The following ELAVL4 variants were observed in gnomAD, a reference collection of about 807,000 sequenced individuals.
ELAVL4 encodes the protein ELAV like RNA binding protein 4.
In ELAVL4, 1 loss-of-function variant was observed where a neutral mutation model predicts 35.6. The observed-to-expected ratio is 0.03, with a 90% CI of 0.01 to 0.13. The LOEUF (loss-of-function observed/expected upper bound fraction) is 0.13, where lower values mean the gene tolerates loss of function less well. ELAVL4 is among the 10% of genes least tolerant of loss of function. ELAVL4 has a pLI of 1.00. For synonymous variants in ELAVL4, 156 were observed against 171.0 expected, an observed-to-expected ratio of 0.91 and a Z score of 0.69; for missense variants, 267 against 464.9, an observed-to-expected ratio of 0.57 and a Z score of 3.91.
At chr1:50,106,192 G>A (rs1666290458), upstream of ELAVL4, 3 of 839,942 alleles carry the variant, frequency 3.6e-6, no homozygotes, top group Non-Finnish European at 5.7e-6. Context: ...TCTCCACTGC[G>A]CGGAGTAGGT....
At chr1:50,160,779 T>G (rs942875546) in intron 2 of ELAVL4, among the ~76,000 whole-genome samples, 1 of 152,220 alleles carries the variant, frequency 6.6e-6, no homozygotes, top group African/African-American at 2.4e-5. Context: ...TTTAATGGAT[T>G]TATATTCTGT....
intron 1 of ELAVL4, among the ~76,000 whole-genome samples, chr1:50,131,042 A>G (rs1670766770): frequency 6.6e-6 from 1 of 152,186 alleles, no homozygotes; most frequent in Non-Finnish European, 1.5e-5. Context: ...GAGTTTACCA[A>G]ACAAATTTTC....
intron 2 of ELAVL4, among the ~76,000 whole-genome samples, chr1:50,157,037 T>C (rs1675881181): frequency 6.6e-6 from 1 of 152,240 alleles, no homozygotes; most frequent in Non-Finnish European, 1.5e-5. Flanking sequence ...ATGCATTTAA[T>C]ACTCTGATAA....
chr1:50,153,437 G>A (rs1675147441), intron 2 of ELAVL4, among the ~76,000 whole-genome samples: 2 of 152,176 alleles, frequency 1.3e-5, no homozygotes. Flanking sequence ...TTAGTCAGCT[G>A]GTGAGTGGGG....
chr1:50,168,755 A>G (rs1678429954), intron 2 of ELAVL4, among the ~76,000 whole-genome samples: 1 of 152,028 alleles, frequency 6.6e-6, no homozygotes, highest in African/African-American at 2.4e-5. Context: ...AAGACTGTCA[A>G]TGTTCTCTGT....
chr1:50,181,072 G>A (rs1219306370), intron 3 of ELAVL4: 1 of 152,176 alleles, frequency 6.6e-6, no homozygotes, highest in Non-Finnish European at 1.5e-5. Context: ...GCCCAAGGAG[G>A]CTTAGAGACA....
chr1:50,084,837 G>C (rs1418526475), intron 1 of ELAVL4, among the ~76,000 whole-genome samples: 1 of 151,958 alleles, frequency 6.6e-6, no homozygotes, highest in Non-Finnish European at 1.5e-5. Flanking sequence ...GCACTTGGTG[G>C]ATTTCCTTCA....
chr1:50,132,063 A>T (rs7542300), intron 1 of ELAVL4, among the ~76,000 whole-genome samples: 1 of 152,160 alleles, frequency 6.6e-6, no homozygotes, highest in Admixed American at 6.6e-5. Flanking sequence ...GAGCAGACGT[A>T]AGTATTCCGA....
At chr1:50,057,606 C>CA (rs1663747008) in intron 1 of ELAVL4, among the ~76,000 whole-genome samples, 1 of 152,160 alleles carries the variant, frequency 6.6e-6, no homozygotes, top group Admixed American at 6.6e-5. Context: ...TACACAAATA[C>CA]AAGCATTGTG....
intron 2 of ELAVL4, among the ~76,000 whole-genome samples, chr1:50,151,290 G>A (rs1236607185): frequency 6.6e-6 from 1 of 152,162 alleles, no homozygotes; most frequent in Non-Finnish European, 1.5e-5. Context: ...TGAATACCGG[G>A]AAAACATAAT....
upstream of ELAVL4, among the ~76,000 whole-genome samples, chr1:50,100,107 T>C (rs1665902546): frequency 6.6e-6 from 1 of 152,202 alleles, no homozygotes; most frequent in Admixed American, 6.5e-5. Flanking sequence ...TAAATTGGCC[T>C]CTTACTAGTT....
intron 1 of ELAVL4, among the ~76,000 whole-genome samples, chr1:50,110,601 A>G (rs1666902503): frequency 6.6e-6 from 1 of 152,206 alleles, no homozygotes; most frequent in African/African-American, 2.4e-5. Context: ...ATTAGATGCC[A>G]CGAGTGCCCA....
intron 1 of ELAVL4, among the ~76,000 whole-genome samples, chr1:50,127,480 A>G (rs1670141090): frequency 6.6e-6 from 1 of 152,088 alleles, no homozygotes; most frequent in Non-Finnish European, 1.5e-5. Context: ...CAGTGGACAT[A>G]TATGCAAAGA....
At chr1:50,061,446 A>G (rs891323971) in intron 1 of ELAVL4, among the ~76,000 whole-genome samples, 4 of 152,186 alleles carry the variant, frequency 2.6e-5, no homozygotes, top group Non-Finnish European at 5.9e-5. Context: ...TTTTAAAATT[A>G]CATGTAGTTG....
chr1:50,098,480 G>T (rs1665811396), intron 1 of ELAVL4, among the ~76,000 whole-genome samples: 1 of 152,134 alleles, frequency 6.6e-6, no homozygotes, highest in Non-Finnish European at 1.5e-5. Context: ...ATAAAGGAAG[G>T]TTAACATGAA....
At chr1:50,147,569 A>G (rs955781885) in intron 2 of ELAVL4, among the ~76,000 whole-genome samples, 1 of 152,196 alleles carries the variant, frequency 6.6e-6, no homozygotes, top group Non-Finnish European at 1.5e-5. Flanking sequence ...TTAGGTCACA[A>G]TGCAGGCTGG....
intron 6 of ELAVL4, among the ~76,000 whole-genome samples, chr1:50,197,906 A>G (rs1189341865): frequency 1.3e-5 from 2 of 152,232 alleles, no homozygotes; most frequent in African/African-American, 4.8e-5. Context: ...GTGGTTGACA[A>G]TCTTATGATT....
intron 1 of ELAVL4, among the ~76,000 whole-genome samples, chr1:50,062,302 G>C (rs1664027701): frequency 6.6e-6 from 1 of 152,136 alleles, no homozygotes; most frequent in East Asian, 1.9e-4. Flanking sequence ...AGAGCCCAGA[G>C]GAGGGACCTA....
chr1:50,089,155 G>C lies in ELAVL4; in HGVS notation c.18+40973G>C, dbSNP rs373883937. Among the ~76,000 whole-genome samples the C allele has an allele frequency of 1.5e-3, 227 of 152,286 alleles. 1 individual carries two copies. Among genetic ancestry groups the C allele is most frequent in the African/African-American group, 5.1e-3 (213 of 41,558 alleles). ...AGAACCAGAAATGGTCGCTGGCTTT[G>C]TAGAATTCTCAATGTAGCAGAAAAG... On this transcript the variant is annotated intron_variant, in intron 1 of 6. Transcript: ENST00000448907.
Sources: gnomAD v4.1 joint callset for allele counts (sites outside exome capture counted in the v4.1 genomes callset) on GRCh38, gnomAD v4.1.1 for gene constraint, MANE v1.5 for transcripts, NCBI Gene and HGNC (gene_info 2026-07-23, HGNC 2026-07-21) for gene names.